Variants in PCDH7 observed in about 807,000 individuals in gnomAD.
The protein encoded by PCDH7 is protocadherin-7.
In PCDH7, 17 loss-of-function variants were observed where a neutral mutation model predicts 58.9. The observed-to-expected ratio is 0.29, with a 90% CI of 0.20 to 0.43. PCDH7 has a LOEUF of 0.43. Among genes scored for constraint, PCDH7 ranks in the 20% least tolerant of loss-of-function variants. The probability of loss-of-function intolerance (pLI) is 1.00; values close to 1 mark genes in which losing one functional copy is unlikely to be tolerated. For missense variants in PCDH7, 1,274 were observed against 1,441.0 expected (o/e 0.88, Z 1.88); for synonymous variants, 664 against 616.4 (o/e 1.08, Z -1.14).
rs111503446 is a variant in PCDH7, at chr4:30,748,016, T to G, written c.70+23420T>G. On this transcript the variant is annotated intron_variant, in intron 1 of 3. Coordinates refer to the PCDH7 transcript ENST00000509759. ...TTAGTGTTTTAAACAAATTCAGAGA[T>G]AGCAAAAGTTTAAGCAATCAGTTAT... Among the ~76,000 whole-genome samples, 1,023 of 152,314 alleles carry G rather than the reference T, an allele frequency of 6.7e-3. 8 individuals carry two copies. Among genetic ancestry groups the G allele is most frequent in the African/African-American group, 0.023 (959 of 41,574 alleles).
chr4:30,942,914 T>G (rs1400441149), intron 2 of PCDH7, among the ~76,000 whole-genome samples: 1 of 150,780 alleles, frequency 6.6e-6, no homozygotes, highest in East Asian at 2.0e-4. Flanking sequence ...TTTTTTTTCC[T>G]GACTATGCTA....
intron 2 of PCDH7, among the ~76,000 whole-genome samples, chr4:30,937,475 A>G (rs996162721): frequency 5.9e-5 from 9 of 152,122 alleles, no homozygotes; most frequent in African/African-American, 1.7e-4. Context: ...TCCCTAGGGA[A>G]TATTTATTTT....
chr4:30,992,277 A>G (rs1282686771), intron 3 of PCDH7, among the ~76,000 whole-genome samples: 1 of 152,154 alleles, frequency 6.6e-6, no homozygotes, highest in Non-Finnish European at 1.5e-5. Context: ...GGAAACTTTT[A>G]TTCTTTATGG....
At chr4:30,758,709 G>C (rs1719633775) in intron 1 of PCDH7, among the ~76,000 whole-genome samples, 4 of 152,086 alleles carry the variant, frequency 2.6e-5, no homozygotes, top group South Asian at 2.1e-4. Flanking sequence ...TGGGAATGCA[G>C]GTATTGCACT....
At chr4:30,889,137 C>CAAAAA (rs371917620) in intron 1 of PCDH7, among the ~76,000 whole-genome samples, 7 of 49,988 alleles carry the variant, frequency 1.4e-4, no homozygotes, top group Admixed American at 4.8e-4. Flanking sequence ...GCAGATATCT[C>CAAAAA]AAAAAAAAAA....
At chr4:31,037,022 G>A (rs369674122) in intron 3 of PCDH7, among the ~76,000 whole-genome samples, 15 of 152,034 alleles carry the variant, frequency 9.9e-5, no homozygotes, top group African/African-American at 2.9e-4. Context: ...CTCCCACCGC[G>A]TCCCTCCCAT....
intron 3 of PCDH7, among the ~76,000 whole-genome samples, chr4:30,970,451 C>G (rs61792872): frequency 1.4e-5 from 2 of 147,670 alleles, no homozygotes; most frequent in Non-Finnish European, 3.0e-5. Flanking sequence ...CCCACCACCA[C>G]GCCTGGCTAA....
chr4:31,139,515 G>A (rs1439863737), intron 3 of PCDH7, among the ~76,000 whole-genome samples: 1 of 152,168 alleles, frequency 6.6e-6, no homozygotes, highest in African/African-American at 2.4e-5. Flanking sequence ...CAGTTTAAAA[G>A]TATGTCTTTT....
At chr4:30,777,085 T>C (rs912084733) in intron 1 of PCDH7, among the ~76,000 whole-genome samples, 6 of 152,132 alleles carry the variant, frequency 3.9e-5, no homozygotes, top group African/African-American at 1.4e-4. Flanking sequence ...TGTAGTCTAC[T>C]TAAGAGAACA....
chr4:31,009,031 A>G (rs983485736), intron 3 of PCDH7, among the ~76,000 whole-genome samples: 3 of 152,128 alleles, frequency 2.0e-5, no homozygotes, highest in Admixed American at 2.0e-4. Context: ...GGGTGCTTTC[A>G]TAATCAGGAT....
chr4:31,097,448 C>T (rs1437094042), intron 3 of PCDH7, among the ~76,000 whole-genome samples: 1 of 131,194 alleles, frequency 7.6e-6, no homozygotes, highest in African/African-American at 2.9e-5. Flanking sequence ...AGTAAGACTT[C>T]GTCTAAAAAA....
chr4:31,062,335 G>C (rs182816713), intron 3 of PCDH7, among the ~76,000 whole-genome samples: 1 of 151,736 alleles, frequency 6.6e-6, no homozygotes, highest in Admixed American at 6.6e-5. Flanking sequence ...ATAACGCATA[G>C]AAAAGAAATC....
Position 31,122,010 on chromosome 4 carries a change from A to AT in PCDH7, c.*8-20453dup, listed in dbSNP as rs1007541524. ...GTAGCCAGAAGTTTTCGGAGATTTT[A>AT]TTTTTTTTTTCCCCAAAAGAAGCAA... On this transcript the variant is annotated intron_variant, in intron 3 of 3. Transcript: ENST00000509759. Among the ~76,000 whole-genome samples, 246 of 149,558 alleles carry AT rather than the reference A, an allele frequency of 1.6e-3. 1 individual carries two copies. The highest frequency in any genetic ancestry group is 5.3e-3 in the African/African-American group (216 of 40,854).
intron 1 of PCDH7, among the ~76,000 whole-genome samples, chr4:30,838,808 T>A (rs1346633165): frequency 1.3e-5 from 2 of 152,088 alleles, no homozygotes; most frequent in Non-Finnish European, 2.9e-5. Context: ...ATGCAGAAAG[T>A]CTAGCATCCA....
intron 1 of PCDH7, among the ~76,000 whole-genome samples, chr4:30,790,757 A>G (rs1435115463): frequency 1.3e-5 from 2 of 152,020 alleles, no homozygotes; most frequent in Non-Finnish European, 2.9e-5. Flanking sequence ...TCATCTCTAC[A>G]AAAAGTAAAA....
chr4:30,860,467 G>T (rs1353734343), intron 1 of PCDH7, among the ~76,000 whole-genome samples: 1 of 151,812 alleles, frequency 6.6e-6, no homozygotes, highest in East Asian at 1.9e-4. Flanking sequence ...TTTCAAATTG[G>T]AAAGCTTTAG....
At chr4:31,106,681 A>G (rs1294632483) in intron 3 of PCDH7, among the ~76,000 whole-genome samples, 1 of 152,198 alleles carries the variant, frequency 6.6e-6, no homozygotes, top group African/African-American at 2.4e-5. Flanking sequence ...TGTTTATTTC[A>G]CATCAGTTAT....
At chr4:30,739,930 T>C (rs925023585) in intron 1 of PCDH7, among the ~76,000 whole-genome samples, 1 of 152,178 alleles carries the variant, frequency 6.6e-6, no homozygotes, top group Non-Finnish European at 1.5e-5. Flanking sequence ...AATATGTAAA[T>C]ACATAAATAG....
intron 1 of PCDH7, among the ~76,000 whole-genome samples, chr4:30,850,794 G>GTT (rs1732632445): frequency 6.6e-6 from 1 of 151,984 alleles, no homozygotes; most frequent in Non-Finnish European, 1.5e-5. Flanking sequence ...TGCGTTTTTG[G>GTT]TTAGCTATCC....
Sources: gnomAD v4.1 joint callset for allele counts (sites outside exome capture counted in the v4.1 genomes callset) on GRCh38, gnomAD v4.1.1 for gene constraint, MANE v1.5 for transcripts, NCBI Gene and HGNC (gene_info 2026-07-23, HGNC 2026-07-21) for gene names.